The following PIGG variants were observed in gnomAD, a reference collection of about 807,000 sequenced individuals.
PIGG encodes the protein GPI ethanolamine phosphate transferase 2, catalytic subunit.
In PIGG, 70 loss-of-function variants were observed where a neutral mutation model predicts 83.2. The observed-to-expected ratio is 0.84, with a 90% confidence interval of 0.69 to 1.03. The LOEUF (loss-of-function observed/expected upper bound fraction) is 1.03, where lower values mean the gene tolerates loss of function less well. Ranked by LOEUF, PIGG falls within the 50% of genes least tolerant of loss-of-function variation. PIGG has a pLI of 0.00. For missense variants in PIGG, 1,257 were observed against 1,233.6 expected, an observed-to-expected ratio of 1.02 and a Z score of -0.28; for synonymous variants, 532 against 519.5, an observed-to-expected ratio of 1.02 and a Z score of -0.33.
At chr4:500,130 C>T (rs886958570) in intron 1 of PIGG, 2 of 442,626 alleles carry the variant, frequency 4.5e-6, no homozygotes, top group East Asian at 8.2e-5. Context: ...AGGACCCTTA[C>T]GTAGGGATTC....
chr4:514,856 C>T (rs1166423685), intron 5 of PIGG, among the ~76,000 whole-genome samples: 2 of 152,170 alleles, frequency 1.3e-5, no homozygotes, highest in African/African-American at 4.8e-5. Flanking sequence ...CTGCCACTAC[C>T]AGTATGAGGG....
At chr4:538,991 G>C (rs541205812) in intron 12 of PIGG, among the ~76,000 whole-genome samples, 162 bp from the exon 13 acceptor site, 1 of 152,340 alleles carries the variant, frequency 6.6e-6, no homozygotes, top group Admixed American at 6.5e-5. Context: ...AGAGGCACCT[G>C]TCCCAGCACC....
chr4:505,651 C>A (rs1719404285), intron 2 of PIGG, 67 bp from the exon 3 acceptor site: 24 of 832,134 alleles, frequency 2.9e-5, no homozygotes, highest in South Asian at 7.3e-5. Context: ...AAAAAAAAAT[C>A]TTCAGTGCCC....
intron 6 of PIGG, among the ~76,000 whole-genome samples, chr4:519,790 T>G (rs1328409745): frequency 1.1e-5 from 1 of 89,988 alleles, no homozygotes; most frequent in African/African-American, 5.8e-5. Flanking sequence ...AGGGACCTGG[T>G]GCCGGCAGCA....
chr4:507,726 T>A, intron 4 of PIGG, 133 bp downstream of exon 4: 1 of 744,432 alleles, frequency 1.3e-6, no homozygotes, highest in South Asian at 1.8e-5. Flanking sequence ...AGGGGCCGCA[T>A]GCCACACGGG....
chr4:506,200 C>T (rs1393769093), intron 3 of PIGG, among the ~76,000 whole-genome samples: 2 of 152,054 alleles, frequency 1.3e-5, no homozygotes, highest in African/African-American at 4.8e-5. Context: ...GGAAGGGTGA[C>T]ACAGCCAAGG....
chr4:523,415 C>T lies in PIGG; in HGVS notation c.1615-44C>T, dbSNP rs761763242. ...ACTTGACATGCAGCAAGATGTGTGT[C>T]GTTATCAGACCGTCTCTTACAAAGT... On this transcript the variant is annotated intron_variant, in intron 8 of 12. Transcript: ENST00000453061. 3.2e-5 allele frequency: 44 copies of T among 1,362,346 alleles called. No individual in the cohort carries two copies. The Admixed American group carries it at 5.2e-4, about 16-fold the overall frequency. The allele number at this position is 1,362,346 out of a possible 1,614,324, so 84.4% of individuals were successfully genotyped here. A position where few individuals can be genotyped will look rare whatever the true frequency, so the allele number is the denominator to read the frequency against.
intron 2 of PIGG, among the ~76,000 whole-genome samples, chr4:503,610 T>A (rs1184828966): frequency 1.3e-5 from 2 of 152,130 alleles, no homozygotes; most frequent in African/African-American, 4.8e-5. Context: ...AAGTGGCACT[T>A]CCATAGGAAG....
intron 11 of PIGG, chr4:533,536 C>A: frequency 2.2e-6 from 1 of 461,850 alleles, no homozygotes; most frequent in Non-Finnish European, 4.0e-6. Flanking sequence ...TCTGTGTGTG[C>A]GTCCCTCTTC....
At chr4:505,089 T>A (rs1009979834) in intron 2 of PIGG, among the ~76,000 whole-genome samples, 4 of 152,172 alleles carry the variant, frequency 2.6e-5, no homozygotes, top group Admixed American at 2.0e-4. Context: ...GGCAGAGGCT[T>A]TGAATACACA....
intron 12 of PIGG, among the ~76,000 whole-genome samples, chr4:538,210 TGAG>T (rs1329182166): frequency 7.2e-5 from 11 of 152,106 alleles, no homozygotes; most frequent in Admixed American, 7.2e-4. Context: ...AGGTCATGGA[TGAG>T]GCATGGAAAG....
intron 2 of PIGG, among the ~76,000 whole-genome samples, chr4:502,836 A>G (rs1718236447): frequency 6.6e-6 from 1 of 152,034 alleles, no homozygotes; most frequent in African/African-American, 2.4e-5. Context: ...TATATTGTCA[A>G]ATGTTGTAAA....
chr4:521,649 C>G lies in PIGG; in HGVS notation c.1333-11C>G. The G allele has an allele frequency of 6.2e-7, 1 of 1,611,392 alleles. No individual in the cohort carries two copies. Among genetic ancestry groups the G allele is most frequent in the Non-Finnish European group, 8.5e-7 (1 of 1,177,788 alleles). On this transcript the variant is annotated splice_polypyrimidine_tract_variant and intron_variant, in intron 7 of 12. Transcript: ENST00000453061. ...CAGCAGTCTGTGGATGCTGCTGTTT[C>G]TCTGTTCCAGGTTCTCACCCTGCTC...
intron 6 of PIGG, among the ~76,000 whole-genome samples, chr4:517,993 T>C (rs1383366041): frequency 6.6e-6 from 1 of 152,174 alleles, no homozygotes; most frequent in Admixed American, 6.5e-5. Flanking sequence ...TACTACCAAA[T>C]AGAGTGAACG....
In PIGG at chr4:523,915, T is replaced by G. The variant is rs1726823468; in HGVS notation, c.2069+2T>G. On this transcript the variant is annotated splice_donor_variant, in intron 9 of 12. Transcript: ENST00000453061. LOFTEE classifies it high-confidence loss of function. ...TGACCTCGGCCACTGGCTCACCAGG[T>G]GAGAGCGTAGGCCCGTGGCCACAGG... 6.6e-7 allele frequency: 1 copy of G among 1,513,476 alleles called. No homozygotes were observed. The highest frequency in any genetic ancestry group is 1.4e-5 in the African/African-American group (1 of 72,560). 93.8% of individuals were successfully genotyped at this position (1,513,476 alleles called of 1,614,324 possible).
At chr4:527,286 G>A in intron 10 of PIGG, 56 bp downstream of exon 10, 1 of 1,498,612 alleles carries the variant, frequency 6.7e-7, no homozygotes, top group Non-Finnish European at 8.9e-7. Context: ...TGAAGAACTG[G>A]CGGACACGGG....
At chr4:536,696 C>G (rs969432574) in intron 12 of PIGG, 1 of 152,296 alleles carries the variant, frequency 6.6e-6, no homozygotes, top group African/African-American at 2.4e-5. Flanking sequence ...CCTCGGCCGT[C>G]TGGGGTGGGC....
chr4:525,331 A>G (rs2108982100), intron 9 of PIGG: 1 of 985,332 alleles, frequency 1.0e-6, no homozygotes, highest in East Asian at 1.1e-4. Context: ...TTAAATTTTA[A>G]TTGTCTGGCA....
chr4:522,388 C>T, intron 8 of PIGG: 1 of 279,412 alleles, frequency 3.6e-6, no homozygotes, highest in Admixed American at 4.7e-5. Context: ...CTGCCACCCC[C>T]AGAATGCATC....
Sources: gnomAD v4.1 joint callset for allele counts (sites outside exome capture counted in the v4.1 genomes callset) on GRCh38, gnomAD v4.1.1 for gene constraint, MANE v1.5 for transcripts, NCBI Gene and HGNC (gene_info 2026-07-23, HGNC 2026-07-21) for gene names.